Variants in VPS50 observed in about 807,000 individuals in gnomAD.
VPS50 encodes the protein VPS50 subunit of EARP/GARPII complex.
VPS50 carries 70 observed loss-of-function variants against 139.7 expected under a neutral mutation model. That is an observed-to-expected ratio of 0.50 (90% CI 0.41 to 0.61). VPS50 has a LOEUF of 0.61. Ranked by LOEUF, VPS50 falls within the 20% of genes least tolerant of loss-of-function variation. The probability of loss-of-function intolerance (pLI) is 0.00; values close to 1 mark genes in which losing one functional copy is unlikely to be tolerated. For missense variants in VPS50, 921 were observed against 1,133.7 expected (o/e 0.81, Z 2.69); for synonymous variants, 365 against 376.7 (o/e 0.97, Z 0.36).
chr7:93,302,040 A>T (rs550744770), intron 16 of VPS50, among the ~76,000 whole-genome samples: 21 of 152,260 alleles, frequency 1.4e-4, no homozygotes, highest in African/African-American at 4.6e-4. Flanking sequence ...TAAGGTGCTC[A>T]TTGGCCTTTT....
chr7:93,305,725 ATGT>A (rs1309786963), intron 17 of VPS50, 100 bp from the exon 18 acceptor site: 5 of 792,016 alleles, frequency 6.3e-6, no homozygotes, highest in Non-Finnish European at 8.5e-6. Context: ...GAAGATCAAG[ATGT>A]TGTTTTTCTA....
intron 18 of VPS50, 58 bp downstream of exon 18, chr7:93,306,062 A>G (rs979401703): frequency 7.8e-6 from 10 of 1,276,092 alleles, no homozygotes; most frequent in African/African-American, 1.5e-5. Context: ...GTTCTACTCA[A>G]TGAACAAGGC....
chr7:93,294,696 T>G, intron 14 of VPS50, 60 bp downstream of exon 14: 5 of 1,342,620 alleles, frequency 3.7e-6, no homozygotes, highest in Non-Finnish European at 5.2e-6. Context: ...TGTCATAGTT[T>G]TAGAAATTCA....
chr7:93,299,758 G>A (rs913198604), intron 16 of VPS50, among the ~76,000 whole-genome samples: 13 of 151,998 alleles, frequency 8.6e-5, no homozygotes, highest in African/African-American at 2.7e-4. Context: ...GTCTATTATT[G>A]ATTGTTTCTA....
chr7:93,305,815 T>A lies in VPS50; in HGVS notation c.1453-13T>A. ...GTTGCTAAAGGGTATCTGGCTCCTTTTTTAACATCTAGGAATTTAAATTCA... is the reference window on the plus strand; with the variant it reads ...GTTGCTAAAGGGTATCTGGCTCCTTATTTAACATCTAGGAATTTAAATTCA... On this transcript the variant is annotated splice_polypyrimidine_tract_variant and intron_variant, in intron 17 of 27. Coordinates refer to ENST00000305866, the MANE Select transcript of VPS50 (RefSeq NM_017667.4). 6.2e-7 allele frequency: 1 copy of A among 1,609,362 alleles called. No individual in the cohort carries two copies. Among genetic ancestry groups the A allele is most frequent in the Non-Finnish European group, 8.5e-7 (1 of 1,176,224 alleles).
chr7:93,274,880 C>T (rs909133232), intron 11 of VPS50, among the ~76,000 whole-genome samples: 10 of 152,084 alleles, frequency 6.6e-5, no homozygotes, highest in African/African-American at 2.4e-4. Flanking sequence ...AAGGATTCAC[C>T]ATTCTAGGTG....
At chr7:93,355,790 G>A in intron 26 of VPS50, 101 bp from the exon 27 acceptor site, 1 of 583,504 alleles carries the variant, frequency 1.7e-6, no homozygotes, top group East Asian at 2.9e-5. Context: ...CATTTCTGGG[G>A]AATCTGTCCA....
At chr7:93,295,069 C>T (rs1796770030) in intron 14 of VPS50, among the ~76,000 whole-genome samples, 2 of 151,878 alleles carry the variant, frequency 1.3e-5, no homozygotes, top group Non-Finnish European at 2.9e-5. Flanking sequence ...CTTTTTTTCT[C>T]AGTCAATGAT....
intron 20 of VPS50, among the ~76,000 whole-genome samples, chr7:93,322,644 G>A (rs1441760345): frequency 6.7e-6 from 1 of 149,720 alleles, no homozygotes; most frequent in Non-Finnish European, 1.5e-5. Context: ...TAAAATTATA[G>A]CAGTTAAGAT....
intron 12 of VPS50, 44 bp from the exon 13 acceptor site, chr7:93,291,654 TTAGAG>T (rs768998959): frequency 5.7e-5 from 60 of 1,043,560 alleles, no homozygotes; most frequent in African/African-American, 9.7e-5. Context: ...ATTATAACTG[TTAGAG>T]TAAACATAAT....
At chr7:93,340,661 A>G (rs1217647786) in intron 22 of VPS50, 1 of 152,252 alleles carries the variant, frequency 6.6e-6, no homozygotes, top group Non-Finnish European at 1.5e-5. Context: ...GTTGCCTGGC[A>G]TCAGAATACC....
chr7:93,341,762 C>G (rs140003415), intron 23 of VPS50, among the ~76,000 whole-genome samples, 187 bp downstream of exon 23: 425 of 152,228 alleles, frequency 2.8e-3, no homozygotes, highest in Middle Eastern at 6.8e-3. Context: ...GTTGGTTTTT[C>G]AGTTATAGAA....
chr7:93,248,392 A>G (rs1795218131), intron 2 of VPS50, among the ~76,000 whole-genome samples: 1 of 152,030 alleles, frequency 6.6e-6, no homozygotes, highest in Admixed American at 6.6e-5. Flanking sequence ...CTCCCACCCT[A>G]GGGAATCAGT....
At position 93,343,113 on chromosome 7, in the gene VPS50, A is replaced by G. The variant is rs185774486; in HGVS notation, c.2207+1538A>G. On this transcript the variant is annotated intron_variant, in intron 23 of 27. Transcript: ENST00000305866. Reference sequence around the variant, plus strand: ...AAATTTAGACGAATGTATAAGTAGAATAACCAATACAGAGAAGTGCTTAAA... The same window carrying G: ...AAATTTAGACGAATGTATAAGTAGAGTAACCAATACAGAGAAGTGCTTAAA... Among the ~76,000 whole-genome samples the G allele has an allele frequency of 9.9e-3, 1,509 of 152,340 alleles. 30 individuals are homozygous for G. Among genetic ancestry groups the G allele is most frequent in the African/African-American group, 0.034 (1,424 of 41,568 alleles).
At chr7:93,353,347 G>T (rs1562902296) in intron 25 of VPS50, among the ~76,000 whole-genome samples, 1 of 152,080 alleles carries the variant, frequency 6.6e-6, no homozygotes, top group Non-Finnish European at 1.5e-5. Flanking sequence ...GACAACCATA[G>T]AAAATTTTGA....
chr7:93,353,610 T>G (rs752972691), intron 25 of VPS50, 30 bp from the exon 26 acceptor site: 1 of 1,594,608 alleles, frequency 6.3e-7, no homozygotes, highest in Non-Finnish European at 8.5e-7. Flanking sequence ...TTAATGATAT[T>G]CACAAACAGC....
Position 93,353,676 on chromosome 7 carries a change from T to A in VPS50, c.2500T>A (p.Ser834Thr). The A allele has an allele frequency of 6.2e-7, 1 of 1,613,320 alleles. No individual in the cohort carries two copies. Among genetic ancestry groups the A allele is most frequent in the South Asian group, 1.1e-5 (1 of 91,008 alleles). ...EQFNRRLNEV[S>T]KRVRIPLPVS... The stretch of plus-strand genomic sequence containing the variant: ...GTTTAACAGGAGGCTAAATGAAGTT[T>A]CTAAGAGAGTTCGCATACCCTTGCC... The change falls in exon 26 of 28, where the codon TCT becomes ACT. Residue 834 changes from serine (S) to threonine (T), a missense_variant. By Grantham distance (58) the Ser-to-Thr change is moderately conservative. Coordinates refer to ENST00000305866, the MANE Select transcript of VPS50 (RefSeq NM_017667.4).
intron 20 of VPS50, among the ~76,000 whole-genome samples, chr7:93,313,357 A>AT (rs1158000570): frequency 2.0e-5 from 3 of 152,124 alleles, no homozygotes; most frequent in Non-Finnish European, 4.4e-5. Context: ...AGTTGTTTAT[A>AT]TTTTTTACCT....
At chr7:93,236,764 T>C (rs1169027205) in intron 1 of VPS50, among the ~76,000 whole-genome samples, 1 of 152,120 alleles carries the variant, frequency 6.6e-6, no homozygotes, top group African/African-American at 2.4e-5. Context: ...TAAAGTACAG[T>C]TGAATGTCAG....
Sources: allele counts gnomAD v4.1 joint callset (sites outside exome capture counted in the v4.1 genomes callset), GRCh38; gene constraint gnomAD v4.1.1; transcripts MANE v1.5; gene names NCBI Gene and HGNC (gene_info 2026-07-23, HGNC 2026-07-21).